The following CNGB3 variants were observed in gnomAD, a reference collection of about 807,000 sequenced individuals.
The protein encoded by CNGB3 is cyclic nucleotide-gated channel beta-3.
Under a neutral mutation model 92.8 loss-of-function variants are expected in CNGB3, and 86 were observed. The ratio of observed to expected loss-of-function variants is 0.93; its 90% confidence interval spans 0.78 to 1.11. CNGB3 has a LOEUF of 1.11. CNGB3 is among the 50% of genes least tolerant of loss of function. CNGB3 has a pLI of 0.00. For missense variants in CNGB3, 1,026 were observed against 956.8 expected (o/e 1.07, Z -0.95); for synonymous variants, 333 against 332.7 (o/e 1.00, Z -0.01).
chr8:86,662,065 C>T (rs1823651968), intron 6 of CNGB3: 2 of 271,014 alleles, frequency 7.4e-6, no homozygotes, highest in African/African-American at 2.2e-5. Flanking sequence ...CTGCTGTCCC[C>T]GTGCCGCCGC....
chr8:86,605,791 T>C (rs1037278500), intron 14 of CNGB3, among the ~76,000 whole-genome samples: 2 of 152,194 alleles, frequency 1.3e-5, no homozygotes, highest in Non-Finnish European at 2.9e-5. Context: ...GATTCTAAAG[T>C]CTTTCCTTAC....
intron 3 of CNGB3, among the ~76,000 whole-genome samples, chr8:86,694,131 C>A (rs1483384652): frequency 1.5e-5 from 2 of 132,528 alleles, no homozygotes; most frequent in Non-Finnish European, 3.3e-5. Flanking sequence ...GGGGGCTGAC[C>A]CCCCCACCTC....
chr8:86,732,746 G>A (rs1825178099), intron 2 of CNGB3, among the ~76,000 whole-genome samples: 1 of 152,122 alleles, frequency 6.6e-6, no homozygotes, highest in Admixed American at 6.5e-5. Flanking sequence ...TTTCAGAAAT[G>A]TCATACCAAC....
At chr8:86,619,728 C>CTTTTTT (rs71275868) in intron 13 of CNGB3, among the ~76,000 whole-genome samples, 53 of 73,382 alleles carry the variant, frequency 7.2e-4, no homozygotes, top group Non-Finnish European at 9.0e-4. Flanking sequence ...TGGTCTTGAC[C>CTTTTTT]TTTTTTTTTT....
At chr8:86,719,412 C>T (rs555802000) in intron 3 of CNGB3, among the ~76,000 whole-genome samples, 1 of 152,096 alleles carries the variant, frequency 6.6e-6, no homozygotes, top group Non-Finnish European at 1.5e-5. Flanking sequence ...AACTCGATCC[C>T]CTTTACAGTA....
At chr8:86,630,399 A>C (rs1822939740) in intron 11 of CNGB3, among the ~76,000 whole-genome samples, 1 of 152,204 alleles carries the variant, frequency 6.6e-6, no homozygotes, top group Non-Finnish European at 1.5e-5. Context: ...AGTGACAGTA[A>C]TTTGAATGGT....
intron 5 of CNGB3, among the ~76,000 whole-genome samples, chr8:86,667,662 AT>A (rs1325769651): frequency 6.6e-6 from 1 of 152,210 alleles, no homozygotes; most frequent in Non-Finnish European, 1.5e-5. Flanking sequence ...GCAGGAAAGG[AT>A]TTGTTCAATT....
chr8:86,702,623 A>C (rs1408896663), intron 3 of CNGB3, among the ~76,000 whole-genome samples: 1 of 152,102 alleles, frequency 6.6e-6, no homozygotes, highest in Non-Finnish European at 1.5e-5. Context: ...CTTCTCTAGC[A>C]TTGGGTAGTA....
chr8:86,605,883 T>G (rs1226337095), intron 14 of CNGB3, among the ~76,000 whole-genome samples: 1 of 152,202 alleles, frequency 6.6e-6, no homozygotes, highest in Non-Finnish European at 1.5e-5. Flanking sequence ...ACTCCACCTT[T>G]TAGTTAACAT....
intron 7 of CNGB3, among the ~76,000 whole-genome samples, chr8:86,651,664 C>T (rs1038926812): frequency 6.6e-6 from 1 of 151,862 alleles, no homozygotes; most frequent in African/African-American, 2.4e-5. Flanking sequence ...GGCAGACAGT[C>T]ATTAATCATT....
chr8:86,696,872 G>C (rs1248746422), intron 3 of CNGB3, among the ~76,000 whole-genome samples: 1 of 151,966 alleles, frequency 6.6e-6, no homozygotes, highest in African/African-American at 2.4e-5. Context: ...TGGTTGGTGA[G>C]TTTGGTCCAT....
chr8:86,584,297 A>G (rs1821849772), intron 15 of CNGB3, among the ~76,000 whole-genome samples: 1 of 152,200 alleles, frequency 6.6e-6, no homozygotes, highest in Non-Finnish European at 1.5e-5. Flanking sequence ...TCCTGTTGTC[A>G]TGGACACAGG....
intron 15 of CNGB3, among the ~76,000 whole-genome samples, chr8:86,599,434 G>A (rs144350703): frequency 0.018 from 2,703 of 152,276 alleles, 75 homozygotes; most frequent in African/African-American, 0.062. Flanking sequence ...CAGGATAACA[G>A]CAATGTTCAG....
At chr8:86,712,222 C>CAT (rs1315243729) in intron 3 of CNGB3, among the ~76,000 whole-genome samples, 1 of 152,082 alleles carries the variant, frequency 6.6e-6, no homozygotes, top group African/African-American at 2.4e-5. Context: ...TGAGCATTTT[C>CAT]ATATCTGGAT....
At chr8:86,639,396 A>G (rs1286093781) in intron 10 of CNGB3, among the ~76,000 whole-genome samples, 2 of 152,138 alleles carry the variant, frequency 1.3e-5, no homozygotes, top group Admixed American at 6.6e-5. Flanking sequence ...TATTCACTCA[A>G]TATAAATAAA....
intron 17 of CNGB3, among the ~76,000 whole-genome samples, chr8:86,578,089 TC>T (rs764243623): frequency 1.3e-5 from 2 of 152,058 alleles, no homozygotes; most frequent in Non-Finnish European, 2.9e-5. Context: ...TTTTGTGTTT[TC>T]AGTAGAGACA....
rs570849609 is a variant in CNGB3, at chr8:86,710,368, C to T, written c.338+16163G>A. Among the ~76,000 whole-genome samples the T allele has an allele frequency of 1.3e-3, 195 of 152,194 alleles. 2 individuals carry two copies. The South Asian group carries it at 0.023, about 18-fold the overall frequency. ...TTGCCACCAGGTAGGGAGATATCCC[C>T]CACTCCCCACCCCCATCTCTACTCT... On this transcript the variant is annotated intron_variant, in intron 3 of 17. Coordinates refer to ENST00000320005, the MANE Select transcript of CNGB3 (RefSeq NM_019098.5).
chr8:86,686,795 G>C (rs1483461669), intron 3 of CNGB3, among the ~76,000 whole-genome samples: 2 of 152,002 alleles, frequency 1.3e-5, no homozygotes, highest in East Asian at 3.9e-4. Context: ...AGAGATCACA[G>C]TACCACAGCT....
chr8:86,652,114 T>A (rs12678847), intron 7 of CNGB3, among the ~76,000 whole-genome samples: 98,267 of 151,846 alleles, frequency 0.65, 31,941 homozygotes, highest in East Asian at 0.79. Flanking sequence ...GTACAGCATG[T>A]TACTGTACTG....
Sources: allele counts gnomAD v4.1 joint callset (sites outside exome capture counted in the v4.1 genomes callset), GRCh38; gene constraint gnomAD v4.1.1; transcripts MANE v1.5; gene names NCBI Gene and HGNC (gene_info 2026-07-23, HGNC 2026-07-21).